DST: variants seen among roughly 807,000 people sequenced by gnomAD.
The protein encoded by DST is dystonin.
In DST, 253 loss-of-function variants were observed where a neutral mutation model predicts 875.2. The ratio of observed to expected loss-of-function variants is 0.29; its 90% CI spans 0.26 to 0.32. DST has a LOEUF of 0.32. Ranked by LOEUF, DST falls within the 10% of genes least tolerant of loss-of-function variation. DST has a pLI of 1.00. For synonymous variants in DST, 3,124 were observed against 3,197.1 expected, an observed-to-expected ratio of 0.98 and a Z score of 0.77; for missense variants, 8,287 against 9,111.6, an observed-to-expected ratio of 0.91 and a Z score of 3.68.
At chr6:56,712,105 A>AAAAAAAAAAAAAAAAAAAAAAAAT in intron 5 of DST, among the ~76,000 whole-genome samples, 1 of 150,570 alleles carries the variant, frequency 6.6e-6, no homozygotes. Flanking sequence ...AAAAAAAAAA[A>AAAAAAAAAAAAAAAAAAAAAAAAT]ATAGGAGGAG....
intron 23 of DST, among the ~76,000 whole-genome samples, 172 bp downstream of exon 23, chr6:56,636,380 ATATAT>A: frequency 6.6e-6 from 1 of 151,168 alleles, no homozygotes; most frequent in South Asian, 2.1e-4. Flanking sequence ...ATATACACAC[ATATAT>A]GTGTATACGT....
chr6:56,840,996 T>C (rs1394769198), intron 4 of DST, among the ~76,000 whole-genome samples: 1 of 152,088 alleles, frequency 6.6e-6, no homozygotes, highest in African/African-American at 2.4e-5. Flanking sequence ...ATGACTTCCC[T>C]TTAAGTTTAA....
intron 4 of DST, among the ~76,000 whole-genome samples, chr6:56,768,927 G>A (rs1006636159): frequency 6.6e-6 from 1 of 152,026 alleles, no homozygotes; most frequent in African/African-American, 2.4e-5. Flanking sequence ...AACTTAGCAG[G>A]GCATAGTGGA....
In DST at chr6:56,459,246, C is replaced by G. The variant is rs373455908; in HGVS notation, c.23216G>C (p.Arg7739Pro). Residue 7739 changes from arginine (R) to proline (P), a missense_variant, in exon 104 of 104, where the codon CGA becomes CCA. By Grantham distance (103) the Arg-to-Pro change is moderately radical (BLOSUM62 -2). Around this residue, in one of 10 missense-constraint regions of DST, gnomAD observed 240 missense variants for 237.3 expected, o/e 1.01. Coordinates refer to ENST00000680361, the MANE Select transcript of DST (RefSeq NM_001374736.1). ...QFADSKKTPS[R>P]PGSRAGSKAG... ...TTTGCTTCCAGCTCGACTTCCTGGT[C>G]GGCTGGGAGTCTTCTTGGAATCTGA... The G allele has an allele frequency of 1.2e-6, 2 of 1,612,410 alleles. No homozygotes were observed. The highest frequency in any genetic ancestry group is 1.7e-6 in the Non-Finnish European group (2 of 1,179,250).
intron 36 of DST, 59 bp downstream of exon 36, chr6:56,624,471 T>C (rs2098716161): frequency 8.8e-7 from 1 of 1,134,940 alleles, no homozygotes; most frequent in Admixed American, 1.7e-5. Flanking sequence ...AACTACACTG[T>C]AGTTACTGCT....
intron 2 of DST, among the ~76,000 whole-genome samples, chr6:56,925,675 T>A (rs115194449): frequency 0.012 from 1,786 of 152,330 alleles, 34 homozygotes; most frequent in East Asian, 0.039. Context: ...GGGAAAACAT[T>A]CAAGCTAAAC....
At chr6:56,748,044 C>G (rs1012278849) in intron 4 of DST, among the ~76,000 whole-genome samples, 1 of 152,056 alleles carries the variant, frequency 6.6e-6, no homozygotes, top group Non-Finnish European at 1.5e-5. Context: ...AATTTTATGA[C>G]TTGTTGGTTT....
chr6:56,767,871 A>G (rs1348113915), intron 4 of DST, among the ~76,000 whole-genome samples: 1 of 152,190 alleles, frequency 6.6e-6, no homozygotes, highest in African/African-American at 2.4e-5. Flanking sequence ...GAAGAAAGAC[A>G]TTCAGATAAA....
At chr6:56,751,885 C>T (rs1260270687) in intron 4 of DST, among the ~76,000 whole-genome samples, 2 of 152,096 alleles carry the variant, frequency 1.3e-5, no homozygotes, top group Admixed American at 1.3e-4. Flanking sequence ...GAATTTTAAA[C>T]TTCAGGCATC....
At chr6:56,655,925 C>CA in intron 10 of DST, among the ~76,000 whole-genome samples, 2 of 152,350 alleles carry the variant, frequency 1.3e-5, no homozygotes. Flanking sequence ...TTCCTGAAGG[C>CA]AGAGCCTGTG....
chr6:56,668,805 G>C (rs1383296544), intron 10 of DST, among the ~76,000 whole-genome samples: 1 of 151,592 alleles, frequency 6.6e-6, no homozygotes, highest in Non-Finnish European at 1.5e-5. Context: ...AATAAAAATA[G>C]GGGCTCCTGA....
At chr6:56,926,137 T>TAAA (rs35832341) in intron 2 of DST, among the ~76,000 whole-genome samples, 21,359 of 149,844 alleles carry the variant, frequency 0.14, 1,775 homozygotes, top group Middle Eastern at 0.23. Context: ...CAGGTGGATT[T>TAAA]AAAAAAAAAA....
intron 4 of DST, among the ~76,000 whole-genome samples, chr6:56,759,597 T>G (rs1313291389): frequency 6.6e-6 from 1 of 152,200 alleles, no homozygotes; most frequent in Non-Finnish European, 1.5e-5. Flanking sequence ...TTCAAAATTT[T>G]TAATGACTAT....
chr6:56,597,950 G>A lies in DST; in HGVS notation c.11985C>T (p.Asp3995=), dbSNP rs774483024. ...ESKTKIENLL[D]WLSNVDKDSE... ...AGTCTTTGTCAACATTTGACAACCA[G>A]TCCAAAAGGTTTTCTATTTTGGTTT... Residue 3995 remains aspartate (D), a synonymous_variant, in exon 47 of 104, where the codon GAC becomes GAT. Transcript: ENST00000680361. 14 of 1,612,436 alleles carry A rather than the reference G, an allele frequency of 8.7e-6. No individual in the cohort carries two copies. The South Asian group carries it at 1.2e-4, about 14-fold the overall frequency.
chr6:56,589,421 A>T (rs1021584963), intron 49 of DST, among the ~76,000 whole-genome samples: 2 of 152,228 alleles, frequency 1.3e-5, no homozygotes, highest in African/African-American at 4.8e-5. Context: ...ACAGTATTCA[A>T]ATGGGTACCT....
Position 56,593,972 on chromosome 6 carries a change from A to C in DST, c.12417T>G (p.Phe4139Leu), listed in dbSNP as rs1348089175. ...THSLQEELEKFDADYTEFEHW... is the reference protein window; with the variant it reads ...THSLQEELEKLDADYTEFEHW... ...GCTCAAACTCGGTATAGTCAGCATC[A>C]AACTTTTCTAATTCTTCCTGCAGAG... The change falls in exon 48 of 104, where the codon TTT becomes TTG. Residue 4139 changes from phenylalanine (F) to leucine (L), a missense_variant. Transcript: ENST00000680361. 6.2e-7 allele frequency: 1 copy of C among 1,613,942 alleles called. No individual in the cohort carries two copies. Among genetic ancestry groups the C allele is most frequent in the East Asian group, 2.2e-5 (1 of 44,872 alleles).
intron 44 of DST, 100 bp from the exon 45 acceptor site, chr6:56,600,321 ATAAGCTTTTATAAG>A: frequency 9.2e-7 from 1 of 1,087,396 alleles, no homozygotes; most frequent in Admixed American, 2.1e-5. Flanking sequence ...GTTTTGTCTA[ATAAGCTTTTATAAG>A]TATGCTGTAA....
At position 56,642,005 on chromosome 6, in the gene DST, T is replaced by C. The variant is rs1459416157; in HGVS notation, c.1969A>G (p.Ile657Val). The C allele has an allele frequency of 6.2e-7, 1 of 1,613,350 alleles. No individual in the cohort carries two copies. The highest frequency in any genetic ancestry group is 8.5e-7 in the Non-Finnish European group (1 of 1,179,598). ...CCATCAATAAGAATCTGTACATCAA[T>C]TACATGCTGGCGTAAAAGGTTCTCA... ...ECENLLRQHV[I>V]DVQILIDGKY... Residue 657 changes from isoleucine to valine, a missense_variant, in exon 17 of 104, where the codon ATT (isoleucine) becomes GTT (valine). Transcript: ENST00000680361.
intron 4 of DST, among the ~76,000 whole-genome samples, chr6:56,796,492 C>A (rs1427047898): frequency 1.3e-5 from 2 of 152,038 alleles, no homozygotes; most frequent in Non-Finnish European, 2.9e-5. Context: ...ATCCAATACA[C>A]AGGGCACAAA....
Sources: allele counts gnomAD v4.1 joint callset (sites outside exome capture counted in the v4.1 genomes callset), GRCh38; gene constraint gnomAD v4.1.1; regional missense constraint gnomAD v4.1.1; transcripts MANE v1.5; gene names NCBI Gene and HGNC (gene_info 2026-07-23, HGNC 2026-07-21).